YEATS2: variants seen among roughly 807,000 people sequenced by gnomAD.
The protein encoded by YEATS2 is YEATS domain-containing protein 2.
Under a neutral mutation model 163.2 loss-of-function variants are expected in YEATS2, and 77 were observed. The ratio of observed to expected loss-of-function variants is 0.47; its 90% CI spans 0.39 to 0.57. The LOEUF (loss-of-function observed/expected upper bound fraction) is 0.57, where lower values mean the gene tolerates loss of function less well. Among genes scored for constraint, YEATS2 ranks in the 20% least tolerant of loss-of-function variants. The pLI, the probability that YEATS2 is intolerant of heterozygous loss-of-function variation, is 0.00. For synonymous variants in YEATS2, 631 were observed against 645.1 expected, an observed-to-expected ratio of 0.98 and a Z score of 0.33; for missense variants, 1,549 against 1,729.8, an observed-to-expected ratio of 0.90 and a Z score of 1.85.
intron 17 of YEATS2, among the ~76,000 whole-genome samples, chr3:183,775,236 C>G (rs1722843010): frequency 6.6e-6 from 1 of 152,152 alleles, no homozygotes; most frequent in Non-Finnish European, 1.5e-5. Flanking sequence ...CAGCAATTCC[C>G]TGACATTGAA....
intron 25 of YEATS2, chr3:183,802,487 A>ATG (rs10663581): frequency 0.36 from 51,286 of 144,386 alleles, 9,396 homozygotes; most frequent in East Asian, 0.51. Flanking sequence ...TCTCTTATAT[A>ATG]TGTGTGTGTG....
intron 1 of YEATS2, among the ~76,000 whole-genome samples, chr3:183,713,750 T>C (rs1715512148): frequency 6.6e-6 from 1 of 152,106 alleles, no homozygotes; most frequent in African/African-American, 2.4e-5. Context: ...CGTGCAGTGA[T>C]GTGAATGTTT....
At chr3:183,717,629 G>A (rs1320983174) in intron 2 of YEATS2, 22 bp from the exon 3 acceptor site, 5 of 1,506,794 alleles carry the variant, frequency 3.3e-6, no homozygotes, top group East Asian at 5.1e-5. Flanking sequence ...GGCCTTGGAT[G>A]TATTTTATGT....
At position 183,777,638 on chromosome 3, in the gene YEATS2, T is replaced by G; in HGVS notation, c.2674T>G (p.Ser892Ala). The G allele has an allele frequency of 6.2e-7, 1 of 1,614,146 alleles. No individual in the cohort carries two copies. Among genetic ancestry groups the G allele is most frequent in the Non-Finnish European group, 8.5e-7 (1 of 1,180,024 alleles). Residue 892 changes from serine to alanine, a missense_variant, in exon 19 of 31, where the codon TCT becomes GCT. Ser to Ala is a moderately conservative substitution (Grantham distance 99). Coordinates refer to ENST00000305135, the MANE Select transcript of YEATS2 (RefSeq NM_018023.5). ...AGGAACACTGGGAGTCAGCACATCT[T>G]CTGCACAAGGACAACAAACGCTAAA... is the stretch of plus-strand genomic sequence containing the variant. ...VQGTLGVSTS[S>A]AQGQQTLKVI... is the part of the protein sequence containing the mutation.
At chr3:183,719,242 T>G (rs1716244152) in intron 4 of YEATS2, among the ~76,000 whole-genome samples, 1 of 150,780 alleles carries the variant, frequency 6.6e-6, no homozygotes, top group Non-Finnish European at 1.5e-5. Context: ...TTCAAGTGAT[T>G]CTTCTGCCTC....
intron 8 of YEATS2, among the ~76,000 whole-genome samples, chr3:183,737,222 G>C (rs2109166943): frequency 6.6e-6 from 1 of 152,320 alleles, no homozygotes; most frequent in East Asian, 1.9e-4. Context: ...GATTGGTCTT[G>C]CTGCCTCAGG....
Position 183,804,072 on chromosome 3 carries a change from C to T in YEATS2, c.3668C>T (p.Thr1223Ile). The change falls in exon 27 of 31, where the codon ACC becomes ATC. Residue 1223 changes from threonine (T) to isoleucine (I), a missense_variant. By Grantham distance (89) the Thr-to-Ile change is moderately conservative. Coordinates refer to ENST00000305135, the MANE Select transcript of YEATS2 (RefSeq NM_018023.5). ...PRFHHLTPLK[T>I]KHIAHWCRCH... ...TTTCACCACCTGACTCCCCTCAAAA[C>T]CAAGCACATCGCTCACTGGTGCCGC... 2 of 1,614,116 alleles carry T rather than the reference C, an allele frequency of 1.2e-6. No individual in the cohort carries two copies. Among genetic ancestry groups the T allele is most frequent in the South Asian group, 2.2e-5 (2 of 91,082 alleles).
intron 15 of YEATS2, among the ~76,000 whole-genome samples, chr3:183,770,677 C>T (rs1722367954): frequency 6.6e-6 from 1 of 152,222 alleles, no homozygotes; most frequent in Admixed American, 6.5e-5. Context: ...CCTTCCACTC[C>T]ATGCGCTTAT....
rs1723122074 is a variant in YEATS2 at position 183,777,606 on chromosome 3, T to G, written c.2642T>G (p.Val881Gly). The part of the protein sequence containing the change: ...TSGKQLTTGS[V>G]VQGTLGVSTS... Reference sequence around the variant, plus strand: ...GGAAAACAACTCACCACTGGGTCAGTGGTCCAAGGAACACTGGGAGTCAGC... The same window carrying G: ...GGAAAACAACTCACCACTGGGTCAGGGGTCCAAGGAACACTGGGAGTCAGC... Residue 881 changes from valine to glycine, a missense_variant, in exon 19 of 31, where the codon GTG becomes GGG. By Grantham distance (109) the Val-to-Gly change is moderately radical. Coordinates refer to ENST00000305135, the MANE Select transcript of YEATS2 (RefSeq NM_018023.5). 3.7e-6 allele frequency: 6 copies of G among 1,614,052 alleles called. 1 individual carries two copies. The highest frequency in any genetic ancestry group is 1.6e-4 in the Middle Eastern group (1 of 6,084).
Position 183,807,061 on chromosome 3 carries a change from G to A in YEATS2, c.3980G>A (p.Gly1327Glu). The A allele has an allele frequency of 6.2e-7, 1 of 1,613,878 alleles. No homozygotes were observed. Among genetic ancestry groups the A allele is most frequent in the South Asian group, 1.1e-5 (1 of 91,008 alleles). Residue 1327 changes from glycine to glutamate, a missense_variant, in exon 28 of 31, where the codon GGG becomes GAG. Gly to Glu is a moderately conservative substitution (Grantham distance 98). Coordinates refer to ENST00000305135, the MANE Select transcript of YEATS2 (RefSeq NM_018023.5). The stretch of plus-strand genomic sequence containing the variant: ...AAGTTCTACCTGCCACCAACCCCAG[G>A]GTCTGAATTTATTGGGGATGTCACA... Reference protein sequence around the residue: ...EVKFYLPPTPGSEFIGDVTQK... With the variant: ...EVKFYLPPTPESEFIGDVTQK...
chr3:183,762,959 G>A (rs1379402578), intron 15 of YEATS2, among the ~76,000 whole-genome samples: 1 of 152,024 alleles, frequency 6.6e-6, no homozygotes, highest in African/African-American at 2.4e-5. Flanking sequence ...ACTGAGGCAG[G>A]AGAATTGCTT....
At chr3:183,720,976 G>A (rs1048793856) in intron 4 of YEATS2, among the ~76,000 whole-genome samples, 23 of 152,114 alleles carry the variant, frequency 1.5e-4, no homozygotes, top group African/African-American at 1.4e-4. Flanking sequence ...TCTTATAAGC[G>A]AGGAGGACTT....
At chr3:183,788,662 C>G (rs1040558562) in intron 20 of YEATS2, among the ~76,000 whole-genome samples, 2 of 152,134 alleles carry the variant, frequency 1.3e-5, no homozygotes, top group African/African-American at 2.4e-5. Context: ...GGGTATATAC[C>G]TAGCAGTGGG....
chr3:183,712,841 A>G lies in YEATS2; in HGVS notation c.-19-2303A>G, dbSNP rs780032430. Among the ~76,000 whole-genome samples, 19 of 151,766 alleles carry G rather than the reference A, an allele frequency of 1.3e-4. No homozygotes were observed. The East Asian group carries it at 2.3e-3, about 19-fold the overall frequency. On this transcript the variant is annotated intron_variant, in intron 1 of 30. Transcript: ENST00000305135. The stretch of plus-strand genomic sequence containing the variant: ...AGTGGTGTGATCTTGGCTCGCTGCA[A>G]CCTCTGCCTCCTGGATTCAAGTGAT...
At chr3:183,797,861 G>A (rs940358386) in intron 21 of YEATS2, 62 bp from the exon 22 acceptor site, 1 of 1,606,574 alleles carries the variant, frequency 6.2e-7, no homozygotes, top group African/African-American at 1.3e-5. Flanking sequence ...TAGCACAGAG[G>A]ATAAGAGACT....
At chr3:183,746,729 G>A (rs1036490445) in intron 8 of YEATS2, among the ~76,000 whole-genome samples, 5 of 150,484 alleles carry the variant, frequency 3.3e-5, no homozygotes, top group Non-Finnish European at 5.9e-5. Flanking sequence ...TTCTTCCATG[G>A]AACCACTATT....
chr3:183,767,734 C>G (rs182025169), intron 15 of YEATS2, among the ~76,000 whole-genome samples: 133 of 151,872 alleles, frequency 8.8e-4, no homozygotes, highest in African/African-American at 3.0e-3. Context: ...TCACGCTGGT[C>G]TCAAACTCCT....
At chr3:183,796,741 A>T (rs1725188410) in intron 21 of YEATS2, among the ~76,000 whole-genome samples, 1 of 152,142 alleles carries the variant, frequency 6.6e-6, no homozygotes, top group African/African-American at 2.4e-5. Flanking sequence ...TTTTATATCC[A>T]GAGCTATGTA....
chr3:183,761,101 T>C (rs1284987844), intron 13 of YEATS2, among the ~76,000 whole-genome samples: 1 of 152,178 alleles, frequency 6.6e-6, no homozygotes. Flanking sequence ...TTCTTTCTTT[T>C]TTTTTTACGG....
Sources: gnomAD v4.1 joint callset for allele counts (sites outside exome capture counted in the v4.1 genomes callset) on GRCh38, gnomAD v4.1.1 for gene constraint, MANE v1.5 for transcripts, NCBI Gene and HGNC (gene_info 2026-07-23, HGNC 2026-07-21) for gene names.